The following UTP25 variants were observed in gnomAD, a reference collection of about 807,000 sequenced individuals.
UTP25 encodes the protein U3 small nucleolar RNA-associated protein 25 homolog.
Under a neutral mutation model 78.9 loss-of-function variants are expected in UTP25, and 50 were observed. The observed-to-expected ratio is 0.63, with a 90% CI of 0.50 to 0.80. UTP25 has a LOEUF of 0.80. UTP25 is among the 30% of genes least tolerant of loss of function. The pLI is 0.00. For synonymous variants in UTP25, 329 were observed against 336.5 expected (o/e 0.98, Z 0.24); for missense variants, 846 against 911.3 (o/e 0.93, Z 0.92).
At chr1:209,830,762 C>A in intron 2 of UTP25, 41 bp from the exon 3 acceptor site, 1 of 1,598,916 alleles carries the variant, frequency 6.3e-7, no homozygotes, top group Non-Finnish European at 8.5e-7. Flanking sequence ...ACAATAAGAA[C>A]AATATAGTTT....
At chr1:209,837,864 C>T (rs1179070647) in intron 6 of UTP25, among the ~76,000 whole-genome samples, 1 of 152,196 alleles carries the variant, frequency 6.6e-6, no homozygotes, top group African/African-American at 2.4e-5. Context: ...TCCCCCTGCC[C>T]TGAACTGCAT....
chr1:209,829,065 C>T (rs543396106), intron 1 of UTP25, among the ~76,000 whole-genome samples: 6 of 152,270 alleles, frequency 3.9e-5, no homozygotes, highest in African/African-American at 1.2e-4. Flanking sequence ...TGAACCACCG[C>T]GCTTGGCCTG....
chr1:209,833,970 C>A (rs2078117719), intron 4 of UTP25, among the ~76,000 whole-genome samples: 1 of 152,214 alleles, frequency 6.6e-6, no homozygotes, highest in African/African-American at 2.4e-5. Flanking sequence ...GTTCTGTATC[C>A]TGATTGCCTT....
chr1:209,852,641 G>A lies in UTP25; in HGVS notation c.*1194G>A, dbSNP rs1303395316. ...CTACTTGGGCACTGCTGTATTTTTTGACAATGAGACATTCCAGGTTTCTCT... is the reference window on the plus strand; with the variant it reads ...CTACTTGGGCACTGCTGTATTTTTTAACAATGAGACATTCCAGGTTTCTCT... On this transcript the variant is annotated 3_prime_UTR_variant, in exon 12 of 12. Coordinates refer to ENST00000491415, the MANE Select transcript of UTP25 (RefSeq NM_014388.7). The A allele has an allele frequency of 1.3e-5, 2 of 152,056 alleles. No individual in the cohort carries two copies. The highest frequency in any genetic ancestry group is 2.9e-5 in the Non-Finnish European group (2 of 68,018). The allele number at this position is 152,056 out of a possible 1,614,324, so 9.4% of individuals were successfully genotyped here. A position where few individuals can be genotyped will look rare whatever the true frequency, so the allele number is the denominator to read the frequency against.
At chr1:209,831,095 C>A in intron 3 of UTP25, 52 bp downstream of exon 3, 1 of 1,588,010 alleles carries the variant, frequency 6.3e-7, no homozygotes, top group South Asian at 1.1e-5. Flanking sequence ...ATAGACAGTT[C>A]ATCTCATGAG....
rs2078279266 is a variant in UTP25 at position 209,856,721 on chromosome 1, G to C, written c.*5274G>C. On this transcript the variant is annotated 3_prime_UTR_variant, in exon 12 of 12. Coordinates refer to ENST00000491415, the MANE Select transcript of UTP25 (RefSeq NM_014388.7). ...AAAGACACTGCCTATTCTTTCGTCT[G>C]TTCTTGGCAAGCACCAACATTGAGA... 6.6e-6 allele frequency: 1 copy of C among 152,246 alleles called. No homozygotes were observed. The highest frequency in any genetic ancestry group is 2.4e-5 in the African/African-American group (1 of 41,450). The allele number at this position is 152,246 out of a possible 1,614,324, so 9.4% of individuals were successfully genotyped here. A position where few individuals can be genotyped will look rare whatever the true frequency, so the allele number is the denominator to read the frequency against.
In UTP25 at chr1:209,845,573, A is replaced by G. The variant is rs1393587078; in HGVS notation, c.2027+1877A>G. On this transcript the variant is annotated intron_variant, in intron 11 of 11. Coordinates refer to ENST00000491415, the MANE Select transcript of UTP25 (RefSeq NM_014388.7). ...GACAGTCTCCTGTATTACACTGTCTATTTACCAAGCCATGTTGCCCTCAAA... is the reference window on the plus strand; with the variant it reads ...GACAGTCTCCTGTATTACACTGTCTGTTTACCAAGCCATGTTGCCCTCAAA... Among the ~76,000 whole-genome samples the G allele has an allele frequency of 2.0e-5, 3 of 152,188 alleles. No homozygotes were observed. In the East Asian group the frequency reaches 5.8e-4, roughly 29 times the overall value.
rs2078138834 is a variant in UTP25 at position 209,837,219 on chromosome 1, C to G, written c.1062+8C>G. On this transcript the variant is annotated splice_region_variant and intron_variant, in intron 6 of 11. Transcript: ENST00000491415. Reference sequence around the variant, plus strand: ...GGGTTAACAAGGCCCAAGGTGAGTCCAGCAGGAAAGCTTTGCTCTCGAGGA... The same window carrying G: ...GGGTTAACAAGGCCCAAGGTGAGTCGAGCAGGAAAGCTTTGCTCTCGAGGA... 6.2e-7 allele frequency: 1 copy of G among 1,609,126 alleles called. No individual in the cohort carries two copies. The highest frequency in any genetic ancestry group is 8.5e-7 in the Non-Finnish European group (1 of 1,176,904).
intron 8 of UTP25, 58 bp from the exon 9 acceptor site, chr1:209,842,207 T>C: frequency 6.7e-7 from 1 of 1,490,286 alleles, no homozygotes; most frequent in East Asian, 2.4e-5. Flanking sequence ...TGTTTAGCAA[T>C]GTCCAACATG....
chr1:209,842,637 C>T lies in UTP25; in HGVS notation c.1723C>T (p.Leu575Phe). The T allele has an allele frequency of 6.2e-7, 1 of 1,613,886 alleles. No homozygotes were observed. The highest frequency in any genetic ancestry group is 8.5e-7 in the Non-Finnish European group (1 of 1,179,948). ...TGSISHVLVQLPHVFQRMEAE... is the reference protein window; with the variant it reads ...TGSISHVLVQFPHVFQRMEAE... ...CTCTATCAGTCATGTCCTGGTGCAG[C>T]TCCCACATGTCTTCCAGAGGATGGA... The change falls in exon 10 of 12, where the codon CTC becomes TTC. Residue 575 changes from leucine (L) to phenylalanine (F), a missense_variant. Coordinates refer to ENST00000491415, the MANE Select transcript of UTP25 (RefSeq NM_014388.7).
At chr1:209,834,071 A>T (rs12080691) in intron 4 of UTP25, among the ~76,000 whole-genome samples, 6,870 of 152,232 alleles carry the variant, frequency 0.045, 799 homozygotes, top group East Asian at 0.4. Flanking sequence ...TCTGTTGGTT[A>T]TTTTGCAGGA....
intron 1 of UTP25, among the ~76,000 whole-genome samples, chr1:209,828,822 G>A (rs986967640): frequency 4.1e-4 from 62 of 149,936 alleles, no homozygotes; most frequent in African/African-American, 1.4e-3. Context: ...GCCCAGGCTG[G>A]AGTGCAGTGG....
chr1:209,839,254 C>T (rs1288448699), intron 7 of UTP25, 126 bp downstream of exon 7: 5 of 896,748 alleles, frequency 5.6e-6, no homozygotes, highest in Non-Finnish European at 8.4e-6. Context: ...ACCAGTGTGC[C>T]TTTGAGACAT....
Position 209,851,623 on chromosome 1 carries a change from T to C in UTP25, c.*176T>C, listed in dbSNP as rs1163620500. 69 of 794,204 alleles carry C rather than the reference T, an allele frequency of 8.7e-5. No individual in the cohort carries two copies. Among genetic ancestry groups the C allele is most frequent in the Non-Finnish European group, 1.0e-4 (58 of 556,550 alleles). 49.2% of individuals were successfully genotyped at this position (794,204 alleles called of 1,614,324 possible). ...GGTCATGTGTCCCTGAAAAGTTAAA[T>C]GTAAACCAGATTTTGGTAAATCCCA... On this transcript the variant is annotated 3_prime_UTR_variant, in exon 12 of 12. Transcript: ENST00000491415.
intron 2 of UTP25, among the ~76,000 whole-genome samples, chr1:209,830,540 T>C (rs1310354704): frequency 6.6e-6 from 1 of 152,108 alleles, no homozygotes; most frequent in Non-Finnish European, 1.5e-5. Context: ...TTTGTTGTTT[T>C]GTAATTATCC....
chr1:209,846,539 C>T (rs1572007873), intron 11 of UTP25, among the ~76,000 whole-genome samples: 1 of 152,172 alleles, frequency 6.6e-6, no homozygotes, highest in African/African-American at 2.4e-5. Flanking sequence ...TAGACTTGGT[C>T]TTTATGGACC....
rs1464946519 is a variant in UTP25, at chr1:209,842,644, A to G, written c.1730A>G (p.His577Arg). 6 of 1,613,674 alleles carry G rather than the reference A, an allele frequency of 3.7e-6. No individual in the cohort carries two copies. The highest frequency in any genetic ancestry group is 5.1e-6 in the Non-Finnish European group (6 of 1,179,934). ...AGTCATGTCCTGGTGCAGCTCCCAC[A>G]TGTCTTCCAGAGGATGGAAGCTGAA... ...SISHVLVQLPHVFQRMEAENL... is the reference protein window; with the variant it reads ...SISHVLVQLPRVFQRMEAENL... Residue 577 changes from histidine (H) to arginine (R), a missense_variant, in exon 10 of 12, where the codon CAT (histidine) becomes CGT (arginine). Coordinates refer to ENST00000491415, the MANE Select transcript of UTP25 (RefSeq NM_014388.7).
At chr1:209,834,136 T>C (rs1572000974) in intron 4 of UTP25, among the ~76,000 whole-genome samples, 1 of 152,214 alleles carries the variant, frequency 6.6e-6, no homozygotes, top group African/African-American at 2.4e-5. Context: ...TTCTGAACCA[T>C]TAAAACTTAG....
chr1:209,831,126 G>A, intron 3 of UTP25, 83 bp downstream of exon 3: 1 of 1,432,590 alleles, frequency 7.0e-7, no homozygotes, highest in Non-Finnish European at 9.5e-7. Flanking sequence ...TATATACTGT[G>A]TGAGTTGGAT....
Sources: gnomAD v4.1 joint callset for allele counts (sites outside exome capture counted in the v4.1 genomes callset) on GRCh38, gnomAD v4.1.1 for gene constraint, MANE v1.5 for transcripts, NCBI Gene and HGNC (gene_info 2026-07-23, HGNC 2026-07-21) for gene names.